The following CDC123 variants were observed in gnomAD, a reference collection of about 807,000 sequenced individuals.
The protein encoded by CDC123 is translation initiation factor eIF2 assembly protein.
In CDC123, 37 loss-of-function variants were observed where a neutral mutation model predicts 54.4. The observed-to-expected ratio is 0.68, with a 90% CI of 0.52 to 0.89. The LOEUF (loss-of-function observed/expected upper bound fraction) is 0.89, where lower values mean the gene tolerates loss of function less well. CDC123 is among the 40% of genes least tolerant of loss of function. The pLI, the probability that CDC123 is intolerant of heterozygous loss-of-function variation, is 0.00. For missense variants in CDC123, 361 were observed against 412.1 expected, an observed-to-expected ratio of 0.88 and a Z score of 1.07; for synonymous variants, 144 against 136.8, an observed-to-expected ratio of 1.05 and a Z score of -0.37.
At chr10:12,216,190 A>G (rs535274603) in intron 5 of CDC123, among the ~76,000 whole-genome samples, 12 of 152,350 alleles carry the variant, frequency 7.9e-5, no homozygotes, top group Middle Eastern at 6.8e-3. Context: ...TAATAGTGTC[A>G]TAGGCTATAG....
chr10:12,240,203 C>G (rs1836038629), intron 10 of CDC123, among the ~76,000 whole-genome samples: 1 of 152,100 alleles, frequency 6.6e-6, no homozygotes, highest in Admixed American at 6.5e-5. Context: ...TGAAGAATTA[C>G]TAGAGCAGAG....
chr10:12,230,778 A>T (rs1279620978), intron 6 of CDC123, among the ~76,000 whole-genome samples, 170 bp from the exon 7 acceptor site: 1 of 152,216 alleles, frequency 6.6e-6, no homozygotes, highest in African/African-American at 2.4e-5. Context: ...GCCTAGGCTA[A>T]TGCAAAGCAT....
At chr10:12,249,241 A>G (rs1836204247) in intron 11 of CDC123, among the ~76,000 whole-genome samples, 1 of 152,058 alleles carries the variant, frequency 6.6e-6, no homozygotes, top group African/African-American at 2.4e-5. Flanking sequence ...GTTCAAGACC[A>G]GCCTGGGCAA....
At chr10:12,206,774 C>T (rs533063346) in intron 2 of CDC123, among the ~76,000 whole-genome samples, 12 of 152,098 alleles carry the variant, frequency 7.9e-5, no homozygotes, top group African/African-American at 2.2e-4. Context: ...CTGGCCAACA[C>T]GGTGAAACCC....
intron 4 of CDC123, 32 bp downstream of exon 4, chr10:12,210,354 G>T (rs1318911291): frequency 6.2e-7 from 1 of 1,613,114 alleles, no homozygotes; most frequent in Non-Finnish European, 8.5e-7. Flanking sequence ...CGTGGGGACA[G>T]CCTCACACTG....
intron 6 of CDC123, among the ~76,000 whole-genome samples, chr10:12,225,311 C>T (rs1301662267): frequency 6.6e-6 from 1 of 152,146 alleles, no homozygotes; most frequent in East Asian, 1.9e-4. Flanking sequence ...AGGAGAATTG[C>T]TTGAGCCCGG....
At chr10:12,239,833 C>G (rs1263119767) in intron 10 of CDC123, among the ~76,000 whole-genome samples, 3 of 151,468 alleles carry the variant, frequency 2.0e-5, no homozygotes, top group African/African-American at 7.3e-5. Flanking sequence ...ACGGTGAAAC[C>G]CTGTCTCTAC....
rs1204495295 is a variant in CDC123, at chr10:12,238,451, T to C, written c.689-6T>C. On this transcript the variant is annotated splice_region_variant and splice_polypyrimidine_tract_variant and intron_variant, in intron 9 of 12. Transcript: ENST00000281141. ...ATTAATAACTGACTTTTTTTCTCCT[T>C]TACAGTTGTGTTCGATATATACAGA... 1 of 1,604,196 alleles carries C rather than the reference T, an allele frequency of 6.2e-7. No individual in the cohort carries two copies. Among genetic ancestry groups the C allele is most frequent in the East Asian group, 2.2e-5 (1 of 44,610 alleles).
intron 8 of CDC123, among the ~76,000 whole-genome samples, chr10:12,235,993 C>T (rs7068966): frequency 0.43 from 65,636 of 152,074 alleles, 15,615 homozygotes; most frequent in Middle Eastern, 0.55. Flanking sequence ...CAGCAAGTCA[C>T]TCTGAAAAAA....
rs1564435594 is a variant in CDC123, at chr10:12,215,747, A to C, written c.245A>C (p.Glu82Ala). 6.2e-7 allele frequency: 1 copy of C among 1,607,866 alleles called. No individual in the cohort carries two copies. The highest frequency in any genetic ancestry group is 8.5e-7 in the Non-Finnish European group (1 of 1,176,922). ...DENTATLTAP[E>A]FPEFATKVQE... ...TTTCTTCTCTCTCTGTAGGCACCAG[A>C]ATTTCCTGAGTTTGCCACTAAAGTC... Residue 82 changes from glutamate to alanine, a missense_variant, in exon 5 of 13, where the codon GAA becomes GCA. Coordinates refer to ENST00000281141, the MANE Select transcript of CDC123 (RefSeq NM_006023.3).
intron 1 of CDC123, 66 bp downstream of exon 1, chr10:12,196,385 ACT>A: frequency 1.9e-6 from 3 of 1,606,650 alleles, no homozygotes; most frequent in Non-Finnish European, 2.6e-6. Flanking sequence ...AGCGAATCTT[ACT>A]GCTATCCAAA....
At chr10:12,216,103 T>A (rs1417631677) in intron 5 of CDC123, among the ~76,000 whole-genome samples, 1 of 152,232 alleles carries the variant, frequency 6.6e-6, no homozygotes, top group East Asian at 1.9e-4. Flanking sequence ...ATTCATACTC[T>A]GCCCTTTTCA....
intron 3 of CDC123, 112 bp from the exon 4 acceptor site, chr10:12,210,178 C>G: frequency 2.7e-6 from 4 of 1,460,992 alleles, no homozygotes; most frequent in Non-Finnish European, 2.8e-6. Context: ...ATGCTGTATT[C>G]CGGAAAAGAT....
At chr10:12,217,208 C>G (rs1835674690) in intron 5 of CDC123, among the ~76,000 whole-genome samples, 153 bp from the exon 6 acceptor site, 1 of 152,190 alleles carries the variant, frequency 6.6e-6, no homozygotes, top group African/African-American at 2.4e-5. Context: ...TGTTGTTAAG[C>G]ATAATTTAAC....
At chr10:12,218,433 G>A (rs1353919158) in intron 6 of CDC123, among the ~76,000 whole-genome samples, 2 of 151,722 alleles carry the variant, frequency 1.3e-5, no homozygotes, top group Admixed American at 1.3e-4. Context: ...TAGAGGCAGG[G>A]TTTCACCATA....
chr10:12,203,078 G>C (rs1421278655), intron 2 of CDC123, among the ~76,000 whole-genome samples: 1 of 152,180 alleles, frequency 6.6e-6, no homozygotes, highest in Non-Finnish European at 1.5e-5. Flanking sequence ...GATGCGTAGG[G>C]TGAGGTGTAG....
chr10:12,197,513 A>G (rs544920813), intron 1 of CDC123, among the ~76,000 whole-genome samples: 1 of 150,330 alleles, frequency 6.7e-6, no homozygotes, highest in Admixed American at 6.7e-5. Context: ...AGTAGCTGGG[A>G]CTACAGGCGC....
At chr10:12,222,967 C>T (rs1000291019) in intron 6 of CDC123, among the ~76,000 whole-genome samples, 1 of 151,970 alleles carries the variant, frequency 6.6e-6, no homozygotes, top group African/African-American at 2.4e-5. Context: ...TCGTGGCTCA[C>T]TGCAAGCTCC....
Position 12,198,709 on chromosome 10 carries a change from A to C in CDC123, c.79A>C (p.Ile27Leu). Residue 27 changes from isoleucine to leucine, a missense_variant, in exon 2 of 13, where the codon ATT (isoleucine) becomes CTT (leucine). Transcript: ENST00000281141. The part of the protein sequence containing the change: ...FFRGVTIKSV[I>L]LPLPQNVKDY... ...TTTTTGGTGTTTTTTTTTTAGTGTC[A>C]TTCTTCCACTTCCTCAGAATGTGAA... 1 of 1,571,850 alleles carries C rather than the reference A, an allele frequency of 6.4e-7. No homozygotes were observed. The highest frequency in any genetic ancestry group is 8.7e-7 in the Non-Finnish European group (1 of 1,149,990).
Sources: gnomAD v4.1 joint callset for allele counts (sites outside exome capture counted in the v4.1 genomes callset) on GRCh38, gnomAD v4.1.1 for gene constraint, MANE v1.5 for transcripts, NCBI Gene and HGNC (gene_info 2026-07-23, HGNC 2026-07-21) for gene names.